SAMD12: variants seen among roughly 807,000 people sequenced by gnomAD.
SAMD12 encodes sterile alpha motif domain-containing protein 12.
In SAMD12, 9 loss-of-function variants were observed where a neutral mutation model predicts 15.0. That is an observed-to-expected ratio of 0.60 (90% confidence interval 0.36 to 1.05). The LOEUF (loss-of-function observed/expected upper bound fraction) is 1.05, where lower values mean the gene tolerates loss of function less well. SAMD12 is among the 50% of genes least tolerant of loss of function. The probability of loss-of-function intolerance (pLI) is 0.01; values close to 1 mark genes in which losing one functional copy is unlikely to be tolerated. For missense variants in SAMD12, 230 were observed against 234.2 expected, an observed-to-expected ratio of 0.98 and a Z score of 0.12; for synonymous variants, 86 against 90.1, an observed-to-expected ratio of 0.96 and a Z score of 0.25.
rs150087095 is a variant in SAMD12 at position 118,323,327 on chromosome 8, G to A, written c.433+56233C>T. Among the ~76,000 whole-genome samples, 6 of 152,188 alleles carry A rather than the reference G, an allele frequency of 3.9e-5. No individual in the cohort carries two copies. The East Asian group carries it at 1.2e-3, about 29-fold the overall frequency. On this transcript the variant is annotated intron_variant, in intron 4 of 4. Coordinates refer to the SAMD12 transcript ENST00000409003. ...CTAATGTATGGGAATGAACAGTGTT[G>A]GGAGGTGACAAGTGCTGCATGCATT... is the stretch of plus-strand genomic sequence containing the variant.
In SAMD12 at chr8:118,198,900, A is replaced by AT. The variant is rs899815888; in HGVS notation, c.434-1169_434-1168insA. ...ATATCCTAAGGAAATAATCTAAAAA[A>AT]AAGAAAGAAGCTATATGCACAAATA... On this transcript the variant is annotated intron_variant, in intron 4 of 4. Coordinates refer to the SAMD12 transcript ENST00000409003. Among the ~76,000 whole-genome samples, 65 of 152,280 alleles carry AT rather than the reference A, an allele frequency of 4.3e-4. 1 individual carries two copies. In the Middle Eastern group the frequency reaches 0.01, roughly 24 times the overall value.
chr8:118,348,552 T>G (rs1228633607), intron 4 of SAMD12, among the ~76,000 whole-genome samples: 1 of 152,096 alleles, frequency 6.6e-6, no homozygotes, highest in Non-Finnish European at 1.5e-5. Flanking sequence ...TTTTGTGTTT[T>G]TAGTAGAGAC....
chr8:118,243,355 CT>C (rs757553785), intron 4 of SAMD12, among the ~76,000 whole-genome samples: 1 of 152,026 alleles, frequency 6.6e-6, no homozygotes, highest in Non-Finnish European at 1.5e-5. Flanking sequence ...ACAAGAGTCC[CT>C]TGAAAGAGCC....
intron 3 of SAMD12, among the ~76,000 whole-genome samples, chr8:118,437,109 T>C (rs1224022609): frequency 2.0e-5 from 3 of 152,182 alleles, no homozygotes; most frequent in Non-Finnish European, 1.5e-5. Context: ...GCCCTGTTCA[T>C]CACAGCCTCC....
At chr8:118,595,354 AAAAC>A (rs1827697448) in intron 1 of SAMD12, among the ~76,000 whole-genome samples, 1 of 152,252 alleles carries the variant, frequency 6.6e-6, no homozygotes, top group Non-Finnish European at 1.5e-5. Flanking sequence ...GATATATTAA[AAAAC>A]AAACAAAAAA....
chr8:118,213,790 A>G (rs1586349606), intron 4 of SAMD12, among the ~76,000 whole-genome samples: 2 of 152,162 alleles, frequency 1.3e-5, no homozygotes, highest in African/African-American at 2.4e-5. Context: ...TATTCTACAC[A>G]CTGAAGTTAT....
intron 2 of SAMD12, among the ~76,000 whole-genome samples, chr8:118,501,237 A>G (rs918742254): frequency 1.3e-5 from 2 of 152,080 alleles, no homozygotes; most frequent in East Asian, 1.9e-4. Flanking sequence ...TATTCTCTCA[A>G]TGTCTTGCTT....
chr8:118,437,369 C>T (rs1344223232), intron 3 of SAMD12, among the ~76,000 whole-genome samples: 3 of 152,128 alleles, frequency 2.0e-5, no homozygotes, highest in Admixed American at 2.0e-4. Context: ...CCTAAGTCCC[C>T]AAGTAATTCC....
chr8:118,213,027 G>C (rs1000760056), intron 4 of SAMD12, among the ~76,000 whole-genome samples: 1 of 152,140 alleles, frequency 6.6e-6, no homozygotes, highest in Non-Finnish European at 1.5e-5. Context: ...AGCATAAAAG[G>C]GTGGAGGGAG....
At chr8:118,258,891 A>T (rs988359267) in intron 4 of SAMD12, among the ~76,000 whole-genome samples, 1 of 151,934 alleles carries the variant, frequency 6.6e-6, no homozygotes, top group South Asian at 2.1e-4. Flanking sequence ...CCTCTGCTTG[A>T]CTCAAATAAA....
At chr8:118,533,001 T>C (rs1047177302) in intron 2 of SAMD12, among the ~76,000 whole-genome samples, 19 of 152,210 alleles carry the variant, frequency 1.2e-4, no homozygotes, top group Non-Finnish European at 8.8e-5. Context: ...TGTTTGCTCT[T>C]GTTTCTCTAG....
At chr8:118,265,312 G>T (rs1321257222) in intron 4 of SAMD12, among the ~76,000 whole-genome samples, 1 of 152,096 alleles carries the variant, frequency 6.6e-6, no homozygotes, top group Non-Finnish European at 1.5e-5. Flanking sequence ...TGAATATGTA[G>T]AACAAATGAG....
At chr8:118,359,553 T>C (rs931186342) in intron 4 of SAMD12, among the ~76,000 whole-genome samples, 4 of 152,168 alleles carry the variant, frequency 2.6e-5, no homozygotes, top group African/African-American at 9.7e-5. Context: ...TGTATGCAGT[T>C]ATAGCAACGA....
intron 2 of SAMD12, among the ~76,000 whole-genome samples, chr8:118,495,963 C>T (rs563476383): frequency 7.2e-5 from 11 of 152,116 alleles, no homozygotes; most frequent in East Asian, 1.9e-4. Context: ...CCACTCACAA[C>T]GGTCATTAAA....
At chr8:118,382,193 C>A (rs1357262269) in intron 3 of SAMD12, among the ~76,000 whole-genome samples, 2 of 152,078 alleles carry the variant, frequency 1.3e-5, no homozygotes, top group East Asian at 1.9e-4. Flanking sequence ...GATCTTAATC[C>A]CTCCCAACAT....
intron 2 of SAMD12, among the ~76,000 whole-genome samples, chr8:118,561,711 A>G (rs1228472905): frequency 6.6e-6 from 1 of 152,206 alleles, no homozygotes; most frequent in African/African-American, 2.4e-5. Context: ...GGTCCCTCCT[A>G]TGACACATGG....
chr8:118,321,420 T>C (rs556287562), intron 4 of SAMD12, among the ~76,000 whole-genome samples: 167 of 150,512 alleles, frequency 1.1e-3, no homozygotes, highest in African/African-American at 3.9e-3. Context: ...TCAAGACCAG[T>C]CTGGCGAATA....
chr8:118,338,781 G>A, intron 4 of SAMD12, among the ~76,000 whole-genome samples: 1 of 152,134 alleles, frequency 6.6e-6, no homozygotes, highest in Admixed American at 6.6e-5. Flanking sequence ...GAAATTAACA[G>A]GGCAGCAAAG....
the SAMD12 span, among the ~76,000 whole-genome samples, chr8:118,183,888 C>A: frequency 6.6e-6 from 1 of 152,044 alleles, no homozygotes; most frequent in African/African-American, 2.4e-5. Flanking sequence ...CCTTTGCATA[C>A]CCATAGCTTA....
Sources: allele counts gnomAD v4.1 joint callset (sites outside exome capture counted in the v4.1 genomes callset), GRCh38; gene constraint gnomAD v4.1.1; transcripts MANE v1.5; gene names NCBI Gene and HGNC (gene_info 2026-07-23, HGNC 2026-07-21).